Variants in NAALADL2 observed in about 807,000 individuals in gnomAD.
The protein encoded by NAALADL2 is inactive N-acetylated-alpha-linked acidic dipeptidase-like protein 2.
In NAALADL2, 76 loss-of-function variants were observed where a neutral mutation model predicts 87.2. The ratio of observed to expected loss-of-function variants is 0.87; its 90% CI spans 0.72 to 1.05. The LOEUF (loss-of-function observed/expected upper bound fraction) is 1.05, where lower values mean the gene tolerates loss of function less well. NAALADL2 is among the 50% of genes least tolerant of loss of function. The pLI is 0.00. For synonymous variants in NAALADL2, 354 were observed against 331.0 expected (o/e 1.07, Z -0.75); for missense variants, 1,089 against 945.8 (o/e 1.15, Z -1.99).
intron 2 of NAALADL2, among the ~76,000 whole-genome samples, chr3:174,689,595 AG>A (rs1728374859): frequency 6.6e-6 from 1 of 152,006 alleles, no homozygotes; most frequent in South Asian, 2.1e-4. Context: ...ATCTCCAGGT[AG>A]TTCTCCTCTA....
chr3:175,031,358 A>G (rs918828980), intron 1 of NAALADL2, among the ~76,000 whole-genome samples: 1 of 152,010 alleles, frequency 6.6e-6, no homozygotes. Flanking sequence ...GCTCCTACTT[A>G]TAAGTGAGAG....
At position 175,364,891 on chromosome 3, in the gene NAALADL2, C is replaced by G. The variant is rs1765389944; in HGVS notation, c.1090+40566C>G. 1.4e-5 allele frequency among the ~76,000 whole-genome samples: 2 copies of G among 147,390 alleles called. 1 individual carries two copies. The highest frequency in any genetic ancestry group is 3.0e-5 in the Non-Finnish European group (2 of 66,342). On this transcript the variant is annotated intron_variant, in intron 5 of 13. Transcript: ENST00000454872. ...GACATATCTTGGAAGAAGAGTCAAA[C>G]TGACATTTTTTGACAAATATGTTTT...
intron 13 of NAALADL2, among the ~76,000 whole-genome samples, chr3:175,786,031 C>T (rs1292772497): frequency 1.3e-5 from 2 of 152,160 alleles, no homozygotes; most frequent in African/African-American, 4.8e-5. Flanking sequence ...TATCAGCCCC[C>T]ACTCTCTTCT....
intron 2 of NAALADL2, among the ~76,000 whole-genome samples, chr3:174,578,825 C>T (rs1715839016): frequency 6.6e-6 from 1 of 151,810 alleles, no homozygotes; most frequent in South Asian, 2.1e-4. Context: ...ATGAATTAAA[C>T]TTCATCAAAA....
rs771915195 is a variant in NAALADL2 at position 175,343,655 on chromosome 3, G to GTTTTTTTTTTGTTTTTTTTTTTTTTT, written c.1090+19340_1090+19341insGTTTTTTTTTTTTTTTTTTTTTTTTT. On this transcript the variant is annotated intron_variant, in intron 5 of 13. Coordinates refer to ENST00000454872, the MANE Select transcript of NAALADL2 (RefSeq NM_207015.3). Reference sequence around the variant, plus strand: ...TGGAGTTCCTGTGTGTCTTGATCATGTTTTTTTTTTTTTTTTTTTTTCCCT... The same window carrying GTTTTTTTTTTGTTTTTTTTTTTTTTT: ...TGGAGTTCCTGTGTGTCTTGATCATGTTTTTTTTTTGTTTTTTTTTTTTTTTTTTTTTTTTTTTTTTTTTTTTCCCT... Among the ~76,000 whole-genome samples the GTTTTTTTTTTGTTTTTTTTTTTTTTT allele has an allele frequency of 1.4e-4, 9 of 64,724 alleles. 1 individual carries two copies. The highest frequency in any genetic ancestry group is 2.3e-4 in the Non-Finnish European group (7 of 30,118). The allele number at this position is 64,724 out of a possible 152,430, so 42.5% of individuals were successfully genotyped here.
intron 2 of NAALADL2, among the ~76,000 whole-genome samples, chr3:175,162,018 A>C (rs912188074): frequency 7.9e-5 from 12 of 152,162 alleles, no homozygotes; most frequent in Non-Finnish European, 1.5e-4. Context: ...AGTTAGAGCA[A>C]TTGGAATTTC....
chr3:175,119,876 GTATATATATACA>G (rs1218375465), intron 2 of NAALADL2, among the ~76,000 whole-genome samples: 1 of 123,522 alleles, frequency 8.1e-6, no homozygotes, highest in Non-Finnish European at 1.7e-5. Context: ...ATGTGTATGT[GTATATATATACA>G]TATATATATA....
intron 9 of NAALADL2, among the ~76,000 whole-genome samples, chr3:175,503,078 C>G (rs1464405669): frequency 6.6e-6 from 1 of 151,950 alleles, no homozygotes; most frequent in Non-Finnish European, 1.5e-5. Context: ...CCTCACCTTC[C>G]ACCCACCATC....
chr3:174,952,006 G>C (rs1740440044), intron 1 of NAALADL2, among the ~76,000 whole-genome samples: 1 of 151,740 alleles, frequency 6.6e-6, no homozygotes, highest in African/African-American at 2.4e-5. Flanking sequence ...TCTTATCTCT[G>C]TTGCCTTCCC....
chr3:175,771,281 GTGTTA>G (rs1246386577), intron 13 of NAALADL2, among the ~76,000 whole-genome samples: 18 of 152,054 alleles, frequency 1.2e-4, no homozygotes, highest in South Asian at 6.2e-4. Context: ...TAACTCATTA[GTGTTA>G]TGTTATATTA....
At position 174,625,057 on chromosome 3, in the gene NAALADL2, C is replaced by CTCTCTCTTT. The variant is rs748895219; in HGVS notation, c.-115+74421_-115+74422insCTCTCTTTT. Among the ~76,000 whole-genome samples the CTCTCTCTTT allele has an allele frequency of 3.1e-3, 246 of 78,834 alleles. 4 individuals are homozygous for CTCTCTCTTT. The highest frequency in any genetic ancestry group is 0.012 in the African/African-American group (235 of 19,812). 51.7% of individuals were successfully genotyped at this position (78,834 alleles called of 152,430 possible). A position where few individuals can be genotyped will look rare whatever the true frequency, so the allele number is the denominator to read the frequency against. ...TATTTATTGCTATCTCTCTCTCTCT[C>CTCTCTCTTT]TTTTTTTTTTTTTTTTTTTGAGACA... is the stretch of plus-strand genomic sequence containing the variant. On this transcript the variant is annotated intron_variant, in intron 2 of 3. Transcript: ENST00000434257.
chr3:174,688,938 T>A (rs981422480), intron 2 of NAALADL2, among the ~76,000 whole-genome samples: 12 of 152,166 alleles, frequency 7.9e-5, no homozygotes, highest in African/African-American at 2.6e-4. Flanking sequence ...AGCTGTTCAA[T>A]TTTGGTCAAG....
intron 1 of NAALADL2, among the ~76,000 whole-genome samples, chr3:174,542,805 G>C (rs1161275765): frequency 6.6e-6 from 1 of 152,170 alleles, no homozygotes; most frequent in Non-Finnish European, 1.5e-5. Context: ...ACCATTTGCT[G>C]GCTCTGGCCA....
intron 2 of NAALADL2, among the ~76,000 whole-genome samples, chr3:175,142,896 G>T (rs1053219378): frequency 1.3e-5 from 2 of 151,880 alleles, no homozygotes; most frequent in African/African-American, 4.8e-5. Flanking sequence ...GGATATTTTT[G>T]TACTTTCTGT....
intron 2 of NAALADL2, among the ~76,000 whole-genome samples, chr3:174,658,600 G>A (rs1267450783): frequency 1.3e-5 from 2 of 152,042 alleles, no homozygotes; most frequent in Non-Finnish European, 2.9e-5. Flanking sequence ...TTTATGAGTA[G>A]GGAGAAATTC....
intron 1 of NAALADL2, among the ~76,000 whole-genome samples, chr3:174,538,475 G>A (rs138235040): frequency 1.5e-3 from 233 of 152,188 alleles, no homozygotes; most frequent in African/African-American, 5.4e-3. Flanking sequence ...AAAAGAAATT[G>A]AAGTATTTTA....
At position 175,629,174 on chromosome 3, in the gene NAALADL2, C is replaced by T. The variant is rs564274276; in HGVS notation, c.1896+1788C>T. 4.2e-3 allele frequency among the ~76,000 whole-genome samples: 623 copies of T among 148,008 alleles called. 4 individuals carry two copies. Among genetic ancestry groups the T allele is most frequent in the Non-Finnish European group, 6.9e-3 (460 of 67,008 alleles). ...TATATCATATATATACATATATACACACATACACACATAAAAACATGCATT... is the reference window on the plus strand; with the variant it reads ...TATATCATATATATACATATATACATACATACACACATAAAAACATGCATT... On this transcript the variant is annotated intron_variant, in intron 11 of 13. Transcript: ENST00000454872.
intron 2 of NAALADL2, among the ~76,000 whole-genome samples, chr3:174,711,409 A>G (rs1005903445): frequency 8.5e-5 from 13 of 152,204 alleles, no homozygotes; most frequent in African/African-American, 2.7e-4. Flanking sequence ...TACTAACTCC[A>G]TAATAACAGG....
At chr3:174,622,859 T>A (rs1364990978) in intron 2 of NAALADL2, among the ~76,000 whole-genome samples, 2 of 151,880 alleles carry the variant, frequency 1.3e-5, no homozygotes, top group African/African-American at 4.8e-5. Context: ...GCTAACTTGG[T>A]GAAACCCCGC....
Sources: gnomAD v4.1 joint callset for allele counts (sites outside exome capture counted in the v4.1 genomes callset) on GRCh38, gnomAD v4.1.1 for gene constraint, MANE v1.5 for transcripts, NCBI Gene and HGNC (gene_info 2026-07-23, HGNC 2026-07-21) for gene names.